Variants in LUZP1 observed in about 807,000 individuals in gnomAD.
The protein encoded by LUZP1 is filamin mechanobinding actin cross-linking protein.
A neutral mutation model predicts 71.3 loss-of-function variants in LUZP1; 25 were observed. The observed-to-expected ratio is 0.35, with a 90% CI of 0.26 to 0.49. The LOEUF (loss-of-function observed/expected upper bound fraction) is 0.49. Among genes scored for constraint, LUZP1 ranks in the 20% least tolerant of loss-of-function variants. The pLI is 0.99. For missense variants in LUZP1, 1,142 were observed against 1,300.8 expected (o/e 0.88, Z 1.88); for synonymous variants, 481 against 506.4 (o/e 0.95, Z 0.67).
exon 5 of LUZP1, chr1:23,086,033 T>C (rs1643759687): frequency 1.3e-5 from 2 of 152,254 alleles, no homozygotes; most frequent in Non-Finnish European, 2.9e-5. Context: ...AGTGGGTTTG[T>C]TGACCGGGGG....
chr1:23,092,637 C>G lies in LUZP1; in HGVS notation c.1625G>C (p.Arg542Thr), dbSNP rs767273164. Reference sequence around the variant, plus strand: ...ACTTCCGTTGCCAAGCACGTGTCCCCTCTTGCCAAAGACAGTCTCAGAGGA... The same window carrying G: ...ACTTCCGTTGCCAAGCACGTGTCCCGTCTTGCCAAAGACAGTCTCAGAGGA... Residue 542 changes from arginine to threonine, a missense_variant, in exon 4 of 5, where the codon AGG becomes ACG. Physicochemically the swap from Arg to Thr is moderately conservative, Grantham distance 71 (BLOSUM62 -1). Transcript: ENST00000302291. The G allele has an allele frequency of 1.9e-6, 3 of 1,614,202 alleles. No individual in the cohort carries two copies. The East Asian group carries it at 6.7e-5, about 36-fold the overall frequency.
intron 2 of LUZP1, among the ~76,000 whole-genome samples, chr1:23,152,681 C>A (rs1644393552): frequency 6.6e-6 from 1 of 152,066 alleles, no homozygotes; most frequent in Non-Finnish European, 1.5e-5. Context: ...CAGGCGCCCA[C>A]CACCATGCCC....
At chr1:23,149,536 G>C (rs1644367199) in intron 2 of LUZP1, among the ~76,000 whole-genome samples, 1 of 152,102 alleles carries the variant, frequency 6.6e-6, no homozygotes, top group Non-Finnish European at 1.5e-5. Flanking sequence ...AACAAGGCTA[G>C]GAAAATGTCT....
intron 2 of LUZP1, among the ~76,000 whole-genome samples, chr1:23,152,595 A>G (rs1557684971): frequency 6.6e-6 from 1 of 152,158 alleles, no homozygotes; most frequent in East Asian, 1.9e-4. Flanking sequence ...GAGTGACACA[A>G]TCTGGGCTCA....
At chr1:23,107,219 G>A (rs905752744) in intron 3 of LUZP1, among the ~76,000 whole-genome samples, 6 of 152,040 alleles carry the variant, frequency 3.9e-5, no homozygotes, top group Non-Finnish European at 4.4e-5. Context: ...GTACATAAAG[G>A]AGCAATCCCT....
intron 1 of LUZP1, among the ~76,000 whole-genome samples, chr1:23,170,462 CTTTTTTTT>C (rs200073505): frequency 0.18 from 23,514 of 127,466 alleles, 1,918 homozygotes; most frequent in East Asian, 0.29. Context: ...CTTTTTCTTT[CTTTTTTTT>C]TTTTTTTTTT....
chr1:23,103,494 T>C (rs2124623660), intron 3 of LUZP1, among the ~76,000 whole-genome samples: 1 of 152,104 alleles, frequency 6.6e-6, no homozygotes, highest in African/African-American at 2.4e-5. Context: ...TCCCACTCAA[T>C]GCGGACGTTA....
intron 2 of LUZP1, among the ~76,000 whole-genome samples, chr1:23,126,985 G>A (rs1277791407): frequency 2.0e-5 from 3 of 152,184 alleles, no homozygotes. Flanking sequence ...GCAAATACCA[G>A]TGTGAGAGCT....
chr1:23,135,123 G>A (rs1350199575), intron 2 of LUZP1, among the ~76,000 whole-genome samples: 1 of 152,180 alleles, frequency 6.6e-6, no homozygotes, highest in Non-Finnish European at 1.5e-5. Context: ...TTTGTTTGGG[G>A]CTAAATGTGT....
intron 3 of LUZP1, among the ~76,000 whole-genome samples, chr1:23,095,631 C>A (rs937884431): frequency 1.3e-5 from 2 of 152,106 alleles, no homozygotes; most frequent in Non-Finnish European, 2.9e-5. Context: ...AGTCCCCAAT[C>A]TAAAGCAAGG....
At chr1:23,092,486 G>A (rs998732829) in exon 4 of LUZP1, 1 of 1,614,200 alleles carries the variant, frequency 6.2e-7, no homozygotes, top group Non-Finnish European at 8.5e-7. Context: ...TCGGGCAACT[G>A]TTATCAGCCT....
rs904509138 is a variant in LUZP1, at chr1:23,094,587, TA to T, written c.-119-208del. Reference sequence around the variant, plus strand: ...GAGTTGATACCTCATTTCGCCCTAATAAAGAATGTCACCAGTGGCAGCATGG... The same window carrying T: ...GAGTTGATACCTCATTTCGCCCTAATAAGAATGTCACCAGTGGCAGCATGG... On this transcript the variant is annotated intron_variant, in intron 3 of 4. Transcript: ENST00000302291. The surrounding 1 kb of genome is among the most constrained non-coding windows in gnomAD (Gnocchi z 4.7). 3.3e-5 allele frequency among the ~76,000 whole-genome samples: 5 copies of T among 152,180 alleles called. No homozygotes were observed. Among genetic ancestry groups the T allele is most frequent in the Admixed American group, 1.3e-4 (2 of 15,284 alleles).
At chr1:23,157,643 T>C (rs1425904303) in intron 2 of LUZP1, among the ~76,000 whole-genome samples, 2 of 152,038 alleles carry the variant, frequency 1.3e-5, no homozygotes, top group East Asian at 3.9e-4. Context: ...ATACAAAAAT[T>C]AGCCCAGCGT....
intron 2 of LUZP1, among the ~76,000 whole-genome samples, chr1:23,145,528 G>A (rs1170320327): frequency 6.8e-6 from 1 of 147,150 alleles, no homozygotes; most frequent in Non-Finnish European, 1.5e-5. Flanking sequence ...GGAGTGCAAT[G>A]GCGCAATCTC....
At chr1:23,096,191 A>C (rs1351108630) in intron 3 of LUZP1, among the ~76,000 whole-genome samples, 1 of 152,156 alleles carries the variant, frequency 6.6e-6, no homozygotes, top group Non-Finnish European at 1.5e-5. Flanking sequence ...GAAGATCTGA[A>C]AGTTAACTAA....
chr1:23,090,860 T>C, intron 4 of LUZP1: 1 of 717,550 alleles, frequency 1.4e-6, no homozygotes, highest in Non-Finnish European at 2.6e-6. Flanking sequence ...GTGCTTTTCA[T>C]GCTGTTCTGA....
intron 2 of LUZP1, among the ~76,000 whole-genome samples, chr1:23,156,910 A>G (rs1644424480): frequency 1.3e-5 from 2 of 152,250 alleles, no homozygotes; most frequent in South Asian, 4.1e-4. Context: ...TCCTATCTCC[A>G]AAAGTTAAAT....
At chr1:23,117,865 GC>G (rs1160403926) in intron 2 of LUZP1, among the ~76,000 whole-genome samples, 1 of 152,140 alleles carries the variant, frequency 6.6e-6, no homozygotes, top group Non-Finnish European at 1.5e-5. Context: ...GCCGAGGCGG[GC>G]AGATCACGAA....
At chr1:23,104,750 T>C (rs1006852573) in intron 3 of LUZP1, among the ~76,000 whole-genome samples, 2 of 152,218 alleles carry the variant, frequency 1.3e-5, no homozygotes, top group Non-Finnish European at 2.9e-5. Flanking sequence ...AGTTTTATTG[T>C]ATTCTGTACT....
Sources: gnomAD v4.1 joint callset for allele counts (sites outside exome capture counted in the v4.1 genomes callset) on GRCh38, gnomAD v4.1.1 for gene constraint, Gnocchi (gnomAD v3.1) non-coding constraint, MANE v1.5 for transcripts, NCBI Gene and HGNC (gene_info 2026-07-23, HGNC 2026-07-21) for gene names.